The following SASH1 variants were observed in gnomAD, a reference collection of about 807,000 sequenced individuals.
The protein encoded by SASH1 is SAM and SH3 domain containing 1, also known as SAM and SH3 domain-containing protein 1.
SASH1 carries 44 observed loss-of-function variants against 125.2 expected under a neutral mutation model. That is an observed-to-expected ratio of 0.35 (90% CI 0.28 to 0.45). The LOEUF (loss-of-function observed/expected upper bound fraction) is 0.45. SASH1 is among the 20% of genes least tolerant of loss of function. The probability of loss-of-function intolerance (pLI) is 1.00; values close to 1 mark genes in which losing one functional copy is unlikely to be tolerated. For synonymous variants in SASH1, 639 were observed against 649.1 expected (o/e 0.98, Z 0.24); for missense variants, 1,426 against 1,614.5 (o/e 0.88, Z 2.00).
In SASH1 at chr6:148,513,699, G is replaced by A. The variant is rs1460653537; in HGVS notation, c.730-625G>A. On this transcript the variant is annotated intron_variant, in intron 8 of 19. Transcript: ENST00000367467. ...GTCAGCTTTTTCCCTTGTCTCTCTT[G>A]GAGGAATGCAGGGTCTGTCCTCACA... The A allele has an allele frequency of 1.2e-5, 12 of 985,690 alleles. No individual in the cohort carries two copies. In the East Asian group the frequency reaches 1.0e-3, roughly 84 times the overall value. The allele number at this position is 985,690 out of a possible 1,614,324, so 61.1% of individuals were successfully genotyped here.
chr6:148,322,892 CTT>C lies in SASH1; in HGVS notation n.74+50517_74+50518del, dbSNP rs940702187. Among the ~76,000 whole-genome samples the C allele has an allele frequency of 1.2e-4, 17 of 140,418 alleles. 3 individuals carry two copies. The highest frequency in any genetic ancestry group is 3.9e-4 in the African/African-American group (15 of 38,026). 92.1% of individuals were successfully genotyped at this position (140,418 alleles called of 152,430 possible). On this transcript the variant is annotated intron_variant and non_coding_transcript_variant, in intron 1 of 3. Transcript: ENST00000367469. Reference sequence around the variant, plus strand: ...CTTTCTTTCTTTCTTTCTTTTTCTTCTTTCTTTCTCTCTCTTTCTTTCTTTTT... The same window carrying C: ...CTTTCTTTCTTTCTTTCTTTTTCTTCTCTTTCTCTCTCTTTCTTTCTTTTT...
chr6:148,487,338 G>A (rs1170229911), intron 7 of SASH1, among the ~76,000 whole-genome samples: 1 of 151,908 alleles, frequency 6.6e-6, no homozygotes, highest in African/African-American at 2.4e-5. Flanking sequence ...TGGAACACAG[G>A]ATACAAAGAG....
intron 4 of SASH1, among the ~76,000 whole-genome samples, chr6:148,468,092 C>T (rs975469678): frequency 3.3e-5 from 5 of 152,194 alleles, no homozygotes; most frequent in African/African-American, 1.2e-4. Flanking sequence ...GGTGTCTCAC[C>T]CGCCTCCCTG....
intron 7 of SASH1, chr6:148,480,459 G>C (rs2876692): frequency 0.71 from 107,267 of 152,002 alleles, 38,247 homozygotes; most frequent in African/African-American, 0.8. Context: ...TACCATTCCT[G>C]CAGGCCACCA....
chr6:148,363,289 C>A lies in SASH1; in HGVS notation c.156+20066C>A, dbSNP rs554690236. On this transcript the variant is annotated intron_variant, in intron 1 of 19. Transcript: ENST00000367467. ...AGTGTTAGGGACGGAGTGATTGAGG[C>A]TCTTCTTTATTTTTTTTATTTATTT... Among the ~76,000 whole-genome samples the A allele has an allele frequency of 2.6e-5, 4 of 152,220 alleles. No homozygotes were observed. The South Asian group carries it at 8.3e-4, about 32-fold the overall frequency.
chr6:148,398,038 G>A (rs1784027258), intron 2 of SASH1, among the ~76,000 whole-genome samples: 1 of 152,138 alleles, frequency 6.6e-6, no homozygotes, highest in Admixed American at 6.5e-5. Context: ...CCTGGTTGAG[G>A]GAGGTGTGGA....
At chr6:148,378,571 G>A (rs1250216716) in intron 1 of SASH1, among the ~76,000 whole-genome samples, 1 of 152,110 alleles carries the variant, frequency 6.6e-6, no homozygotes, top group Non-Finnish European at 1.5e-5. Flanking sequence ...CGATGCTCAG[G>A]TTGGTCTCAA....
At chr6:148,341,317 G>GTT (rs1179914037), upstream of SASH1, among the ~76,000 whole-genome samples, 61 of 120,218 alleles carry the variant, frequency 5.1e-4, no homozygotes, top group African/African-American at 1.7e-3. Context: ...GCTATGTTTT[G>GTT]TTTTTTTTTT....
chr6:148,277,865 C>T (rs1172624600), intron 1 of SASH1, among the ~76,000 whole-genome samples: 4 of 150,800 alleles, frequency 2.7e-5, no homozygotes, highest in African/African-American at 7.3e-5. Context: ...TACAGGCGCG[C>T]GCCACCAAGC....
intron 1 of SASH1, among the ~76,000 whole-genome samples, chr6:148,350,723 G>T (rs997023250): frequency 1.3e-5 from 2 of 152,204 alleles, no homozygotes; most frequent in Non-Finnish European, 2.9e-5. Flanking sequence ...TCAAAAGAGT[G>T]AATCTAAATG....
At chr6:148,371,922 C>T (rs924399159) in intron 1 of SASH1, among the ~76,000 whole-genome samples, 1 of 152,132 alleles carries the variant, frequency 6.6e-6, no homozygotes, top group Non-Finnish European at 1.5e-5. Context: ...ACTATCAGAA[C>T]CATTTCCCCC....
At chr6:148,194,788 C>A in the SASH1 span, among the ~76,000 whole-genome samples, 2 of 152,198 alleles carry the variant, frequency 1.3e-5, no homozygotes, top group African/African-American at 4.8e-5. Context: ...CTCCTGTAGT[C>A]CCAGCTACTC....
intron 1 of SASH1, among the ~76,000 whole-genome samples, chr6:148,279,577 C>T (rs1180190818): frequency 6.6e-6 from 1 of 152,114 alleles, no homozygotes; most frequent in African/African-American, 2.4e-5. Context: ...CGCTGGGAAA[C>T]AAAAATCCCA....
chr6:148,198,860 A>G, the SASH1 span, among the ~76,000 whole-genome samples: 5 of 152,264 alleles, frequency 3.3e-5, no homozygotes, highest in Non-Finnish European at 7.3e-5. Context: ...CAGAATCAAA[A>G]GATGACAATT....
chr6:148,279,928 A>G lies in SASH1; in HGVS notation n.74+7551A>G, dbSNP rs927141355. 1.2e-3 allele frequency among the ~76,000 whole-genome samples: 183 copies of G among 151,156 alleles called. 4 individuals are homozygous for G. Among genetic ancestry groups the G allele is most frequent in the Non-Finnish European group, 1.9e-4 (13 of 67,776 alleles). On this transcript the variant is annotated intron_variant and non_coding_transcript_variant, in intron 1 of 3. Coordinates refer to the SASH1 transcript ENST00000367469. ...CTTGAACCTGGGAGGCAGAGGCTGC[A>G]GTGAGCCAAGATGATGCCACTGCAC...
At chr6:148,268,661 T>C (rs971559338), upstream of SASH1, among the ~76,000 whole-genome samples, 1 of 152,262 alleles carries the variant, frequency 6.6e-6, no homozygotes. Flanking sequence ...TTTACCTGCA[T>C]GGCCTAAGTA....
At chr6:148,214,765 T>C in the SASH1 span, among the ~76,000 whole-genome samples, 1 of 152,220 alleles carries the variant, frequency 6.6e-6, no homozygotes, top group Non-Finnish European at 1.5e-5. Flanking sequence ...GAAAGTCTCA[T>C]GTTGCCATAG....
intron 1 of SASH1, chr6:148,278,542 A>G (rs1257028428): frequency 1.3e-5 from 2 of 152,074 alleles, no homozygotes; most frequent in Non-Finnish European, 2.9e-5. Flanking sequence ...TTTAAATTTA[A>G]TTTAAATCTT....
chr6:148,227,877 G>A, the SASH1 span, among the ~76,000 whole-genome samples: 1 of 152,114 alleles, frequency 6.6e-6, no homozygotes, highest in African/African-American at 2.4e-5. Flanking sequence ...GTGCAAAGAA[G>A]AGGTTTGATC....
Sources: allele counts gnomAD v4.1 joint callset (sites outside exome capture counted in the v4.1 genomes callset), GRCh38; gene constraint gnomAD v4.1.1; transcripts MANE v1.5; gene names NCBI Gene and HGNC (gene_info 2026-07-23, HGNC 2026-07-21).